Variants in HNRNPH1 observed in about 807,000 individuals in gnomAD.
The protein encoded by HNRNPH1 is heterogeneous nuclear ribonucleoprotein H.
HNRNPH1 carries 4 observed loss-of-function variants against 58.6 expected under a neutral mutation model. The observed-to-expected ratio is 0.07, with a 90% CI of 0.03 to 0.16. HNRNPH1 has a LOEUF of 0.16. HNRNPH1 is among the 10% of genes least tolerant of loss of function. The pLI is 1.00. For synonymous variants in HNRNPH1, 192 were observed against 189.2 expected, an observed-to-expected ratio of 1.01 and a Z score of -0.12; for missense variants, 271 against 564.2, an observed-to-expected ratio of 0.48 and a Z score of 5.26.
At chr5:179,617,484 A>G (rs994073125) in intron 8 of HNRNPH1, 30 bp downstream of exon 9, 1 of 1,606,838 alleles carries the variant, frequency 6.2e-7, no homozygotes, top group Non-Finnish European at 8.5e-7. Flanking sequence ...ATCACCTGTT[A>G]AGAGCCCACA....
upstream of HNRNPH1, among the ~76,000 whole-genome samples, chr5:179,627,967 C>T (rs923870091): frequency 6.8e-6 from 1 of 146,408 alleles, no homozygotes; most frequent in Non-Finnish European, 1.5e-5. Flanking sequence ...TGATTACAGG[C>T]ATGCACCATC....
At chr5:179,623,131 C>G in exon 1 of HNRNPH1, 2 of 1,604,498 alleles carry the variant, frequency 1.2e-6, no homozygotes, top group Non-Finnish European at 1.7e-6. Flanking sequence ...TGCCCAACAT[C>G]ATCGTCTCTT....
At chr5:179,631,687 C>T (rs1009968368) in intron 2 of HNRNPH1, among the ~76,000 whole-genome samples, 1 of 151,936 alleles carries the variant, frequency 6.6e-6, no homozygotes, top group Non-Finnish European at 1.5e-5. Context: ...TTGGACGTTG[C>T]GATGAGCTGA....
chr5:179,615,301 CAT>C (rs1468606267), intron 12 of HNRNPH1: 2 of 454,306 alleles, frequency 4.4e-6, no homozygotes, highest in Non-Finnish European at 7.8e-6. Context: ...AAAAATTTAA[CAT>C]AAACATTCAC....
chr5:179,628,306 A>G (rs1164681711), upstream of HNRNPH1, among the ~76,000 whole-genome samples: 1 of 152,186 alleles, frequency 6.6e-6, no homozygotes, highest in Admixed American at 6.6e-5. Flanking sequence ...TAGCCTCAAT[A>G]AGATAGGAAT....
intron 4 of HNRNPH1, chr5:179,618,818 A>C (rs1293939251): frequency 6.3e-6 from 1 of 157,796 alleles, no homozygotes; most frequent in African/African-American, 2.4e-5. Flanking sequence ...AGAGAATAAA[A>C]CCTTTTGTGA....
At chr5:179,632,774 T>TTTTTTTA in intron 2 of HNRNPH1, among the ~76,000 whole-genome samples, 1 of 148,658 alleles carries the variant, frequency 6.7e-6, no homozygotes, top group African/African-American at 2.5e-5. Flanking sequence ...TTTTTTTTTT[T>TTTTTTTA]GAGACGGAGT....
chr5:179,622,564 A>G (rs1399664851), intron 1 of HNRNPH1, among the ~76,000 whole-genome samples: 1 of 152,134 alleles, frequency 6.6e-6, no homozygotes, highest in South Asian at 2.1e-4. Context: ...TACAAAAATT[A>G]GCCGGGCGTG....
At chr5:179,630,960 C>A (rs1243671818) in intron 2 of HNRNPH1, among the ~76,000 whole-genome samples, 2 of 150,520 alleles carry the variant, frequency 1.3e-5, no homozygotes, top group Non-Finnish European at 3.0e-5. Context: ...AAACAAAAAT[C>A]AAAAAACATA....
At chr5:179,624,170 C>A (rs1379110426) in exon 1 of HNRNPH1, 1 of 224,932 alleles carries the variant, frequency 4.4e-6, no homozygotes, top group East Asian at 9.2e-5. Flanking sequence ...CGCCTGTCTT[C>A]CCTTTATCCC....
chr5:179,631,958 C>T (rs1774860530), intron 2 of HNRNPH1, among the ~76,000 whole-genome samples: 1 of 152,098 alleles, frequency 6.6e-6, no homozygotes, highest in South Asian at 2.1e-4. Flanking sequence ...TAAACAGCAT[C>T]GGCCGCCTCC....
At chr5:179,614,632 T>TA (rs1768565244) in exon 13 of HNRNPH1, 2 of 415,842 alleles carry the variant, frequency 4.8e-6, no homozygotes, top group Non-Finnish European at 8.7e-6. Flanking sequence ...TTAACAGTTA[T>TA]AGTTTACTCA....
chr5:179,615,406 G>A (rs1243085508), intron 12 of HNRNPH1, 140 bp downstream of exon 13: 2 of 530,568 alleles, frequency 3.8e-6, no homozygotes, highest in Non-Finnish European at 3.4e-6. Flanking sequence ...AGACAACCAA[G>A]CTGGACTAAA....
intron 2 of HNRNPH1, among the ~76,000 whole-genome samples, chr5:179,629,749 G>A (rs183669059): frequency 7.9e-4 from 120 of 152,344 alleles, no homozygotes; most frequent in African/African-American, 2.8e-3. Flanking sequence ...TAGACTGGGT[G>A]CAGTGGCTTA....
intron 2 of HNRNPH1, among the ~76,000 whole-genome samples, chr5:179,632,447 C>T (rs1774921666): frequency 2.0e-5 from 3 of 152,270 alleles, no homozygotes; most frequent in Admixed American, 1.3e-4. Flanking sequence ...TTCGCTGGAG[C>T]CCCACTGTTG....
chr5:179,627,936 G>GA (rs1340683987), upstream of HNRNPH1, among the ~76,000 whole-genome samples: 9 of 146,932 alleles, frequency 6.1e-5, no homozygotes, highest in Admixed American at 6.4e-4. Flanking sequence ...AAAAAAAAAG[G>GA]AAAAAAATAC....
intron 12 of HNRNPH1, chr5:179,615,187 T>C: frequency 2.2e-6 from 1 of 463,026 alleles, no homozygotes; most frequent in South Asian, 4.2e-5. Context: ...TTTTAACGGA[T>C]TCTTCAGGAT....
chr5:179,615,977 C>G (rs189407088), intron 11 of HNRNPH1, 149 bp downstream of exon 12: 1 of 647,176 alleles, frequency 1.5e-6, no homozygotes, highest in African/African-American at 1.8e-5. Flanking sequence ...CCAATTTCAC[C>G]GAAAGGAGCC....
At chr5:179,621,787 C>T (rs1026873608) in intron 1 of HNRNPH1, 1 of 374,212 alleles carries the variant, frequency 2.7e-6, no homozygotes, top group African/African-American at 2.1e-5. Context: ...TTTTACCTTA[C>T]CAGTAGCCAC....
Sources: allele counts gnomAD v4.1 joint callset (sites outside exome capture counted in the v4.1 genomes callset), GRCh38; gene constraint gnomAD v4.1.1; transcripts MANE v1.5; gene names NCBI Gene and HGNC (gene_info 2026-07-23, HGNC 2026-07-21).